The following USP53 variants were observed in gnomAD, a reference collection of about 807,000 sequenced individuals.
The protein encoded by USP53 is ubiquitin specific peptidase 53.
A neutral mutation model predicts 94.9 loss-of-function variants in USP53; 71 were observed. The observed-to-expected ratio is 0.75, with a 90% confidence interval of 0.62 to 0.91. The LOEUF (loss-of-function observed/expected upper bound fraction) is 0.91. USP53 is among the 40% of genes least tolerant of loss of function. The pLI is 0.00. For synonymous variants in USP53, 375 were observed against 422.7 expected, an observed-to-expected ratio of 0.89 and a Z score of 1.39; for missense variants, 1,173 against 1,281.0, an observed-to-expected ratio of 0.92 and a Z score of 1.29.
chr4:119,243,503 T>A (rs1747823870), intron 5 of USP53, among the ~76,000 whole-genome samples: 1 of 151,866 alleles, frequency 6.6e-6, no homozygotes, highest in Non-Finnish European at 1.5e-5. Flanking sequence ...ATCTAAAAAA[T>A]AAATAAATAA....
chr4:119,260,791 C>T, intron 11 of USP53, 138 bp downstream of exon 11: 1 of 874,306 alleles, frequency 1.1e-6, no homozygotes, highest in Non-Finnish European at 1.7e-6. Flanking sequence ...CTAGGAATGG[C>T]TTTCAATTAC....
intron 2 of USP53, among the ~76,000 whole-genome samples, chr4:119,216,313 G>A (rs535188610): frequency 1.1e-3 from 163 of 152,008 alleles, no homozygotes; most frequent in African/African-American, 3.4e-3. Context: ...CCCAAGAGGC[G>A]GAGGTTGCAG....
At chr4:119,282,243 C>T (rs1252065826) in intron 17 of USP53, among the ~76,000 whole-genome samples, 2 of 152,038 alleles carry the variant, frequency 1.3e-5, no homozygotes, top group East Asian at 3.9e-4. Context: ...TTGTTATTAT[C>T]CTTTGGCTAT....
intron 2 of USP53, among the ~76,000 whole-genome samples, chr4:119,216,085 A>G (rs1195980076): frequency 1.3e-5 from 2 of 152,210 alleles, no homozygotes; most frequent in Non-Finnish European, 2.9e-5. Flanking sequence ...TCAAAAGTTA[A>G]TTAGACAATG....
At chr4:119,239,078 T>C (rs1360984757) in intron 4 of USP53, 140 bp from the exon 5 acceptor site, 1 of 152,310 alleles carries the variant, frequency 6.6e-6, no homozygotes, top group African/African-American at 2.4e-5. Flanking sequence ...TTTTTAAAAA[T>C]TTATATTAGA....
At position 119,233,367 on chromosome 4, in the gene USP53, A is replaced by T. The variant is rs1277252166; in HGVS notation, c.-664-1923A>T. Among the ~76,000 whole-genome samples, 4 of 151,756 alleles carry T rather than the reference A, an allele frequency of 2.6e-5. No homozygotes were observed. In the South Asian group the frequency reaches 8.3e-4, roughly 32 times the overall value. ...TCCTACATCATGTTTGGATTCTTTG[A>T]GTTACACATCCTGTTTTTATCTGAG... On this transcript the variant is annotated intron_variant, in intron 3 of 18. Transcript: ENST00000692078.
rs1485711668 is a variant in USP53 at position 119,269,777 on chromosome 4, C to A, written c.1375C>A (p.Leu459Ile). ...ALKAIEQKNL[L>I]SSQRKDLEKG... ...GAAAGCTATTGAACAGAAAAACTTA[C>A]TTTCTTCACAAAGGAAAGATTTAGA... Residue 459 changes from leucine (L) to isoleucine (I), a missense_variant, in exon 15 of 19, where the codon CTT becomes ATT. Coordinates refer to ENST00000692078, the MANE Select transcript of USP53 (RefSeq NM_001371395.1). 2 of 1,516,762 alleles carry A rather than the reference C, an allele frequency of 1.3e-6. No homozygotes were observed. The highest frequency in any genetic ancestry group is 1.4e-5 in the African/African-American group (1 of 70,922). The allele number at this position is 1,516,762 out of a possible 1,614,324, so 94.0% of individuals were successfully genotyped here. A position where few individuals can be genotyped will look rare whatever the true frequency, so the allele number is the denominator to read the frequency against.
intron 17 of USP53, among the ~76,000 whole-genome samples, chr4:119,281,391 G>A (rs1213107648): frequency 6.6e-6 from 1 of 152,170 alleles, no homozygotes; most frequent in East Asian, 1.9e-4. Flanking sequence ...TCTTTGTTAT[G>A]CTTAAGGCTT....
intron 12 of USP53, among the ~76,000 whole-genome samples, chr4:119,264,285 G>A (rs1750854918): frequency 6.6e-6 from 1 of 152,026 alleles, no homozygotes; most frequent in Non-Finnish European, 1.5e-5. Flanking sequence ...TATCAGGGGA[G>A]GATAGTAAAA....
chr4:119,236,817 A>T (rs746565392), intron 4 of USP53, among the ~76,000 whole-genome samples: 8 of 152,070 alleles, frequency 5.3e-5, no homozygotes, highest in Admixed American at 2.6e-4. Flanking sequence ...GGAATCATTA[A>T]CCAAATATCC....
rs373277455 is a variant in USP53 at position 119,271,884 on chromosome 4, A to C, written c.2024A>C (p.His675Pro). The change falls in exon 16 of 19, where the codon CAT becomes CCT. Residue 675 changes from histidine (H) to proline (P), a missense_variant. Coordinates refer to ENST00000692078, the MANE Select transcript of USP53 (RefSeq NM_001371395.1). ...KNKGLVEGKV[H>P]GDNWQMQRTE... ...AAAGGCCTTGTAGAGGGTAAAGTGC[A>C]TGGTGATAATTGGCAGATGCAAAGG... is the stretch of plus-strand genomic sequence containing the variant. 1 of 1,614,082 alleles carries C rather than the reference A, an allele frequency of 6.2e-7. No homozygotes were observed. Among genetic ancestry groups the C allele is most frequent in the Admixed American group, 1.7e-5 (1 of 60,002 alleles).
intron 3 of USP53, among the ~76,000 whole-genome samples, chr4:119,222,564 C>T (rs760140396): frequency 7.2e-5 from 11 of 152,028 alleles, no homozygotes; most frequent in African/African-American, 2.7e-4. Flanking sequence ...TTTGTCTTTC[C>T]GTGCCTGTCT....
chr4:119,279,139 G>A lies in USP53; in HGVS notation c.2251+5431G>A, dbSNP rs995337749. Among the ~76,000 whole-genome samples, 3 of 148,616 alleles carry A rather than the reference G, an allele frequency of 2.0e-5. No individual in the cohort carries two copies. In the Admixed American group the frequency reaches 2.0e-4, roughly 10 times the overall value. ...CTCCATCCAGCTTTGTTCTGTTGCT[G>A]GTGAGGAACTGCGTTCCTTTGAAGG... On this transcript the variant is annotated intron_variant, in intron 17 of 18. Coordinates refer to ENST00000692078, the MANE Select transcript of USP53 (RefSeq NM_001371395.1).
In USP53 at chr4:119,213,901, G is replaced by T. The variant is rs559480218; in HGVS notation, c.-941-169G>T. ...ACAAACAAACAAACAAAAAAACGCA[G>T]TACACTTAGGAAGGTTTTTGTGATT... On this transcript the variant is annotated intron_variant, in intron 1 of 18. Transcript: ENST00000692078. Among the ~76,000 whole-genome samples, 357 of 79,760 alleles carry T rather than the reference G, an allele frequency of 4.5e-3. 1 individual carries two copies. Among genetic ancestry groups the T allele is most frequent in the African/African-American group, 0.021 (345 of 16,696 alleles). 52.3% of individuals were successfully genotyped at this position (79,760 alleles called of 152,430 possible).
chr4:119,255,416 C>T (rs935935465), intron 7 of USP53, among the ~76,000 whole-genome samples: 4 of 151,918 alleles, frequency 2.6e-5, no homozygotes, highest in East Asian at 3.9e-4. Context: ...TTTGTTTACA[C>T]CGTGAGCAGA....
chr4:119,248,564 G>A (rs1464978693), intron 6 of USP53, among the ~76,000 whole-genome samples, 184 bp from the exon 7 acceptor site: 1 of 152,022 alleles, frequency 6.6e-6, no homozygotes, highest in African/African-American at 2.4e-5. Context: ...TTGATTTAGA[G>A]GCTGGTGCAA....
chr4:119,271,719 G>C lies in USP53; in HGVS notation c.1859G>C (p.Ser620Thr). ...AATATCAGTAATAAGCCTAAATCTA[G>C]CAAGGATCCGAGTTTTAGTAATTGG... ...KPNISNKPKS[S>T]KDPSFSNWPK... The change falls in exon 16 of 19, where the codon AGC (serine) becomes ACC (threonine). Residue 620 changes from serine to threonine, a missense_variant. Ser to Thr is a moderately conservative substitution (Grantham distance 58, BLOSUM62 1). Transcript: ENST00000692078. 1 of 1,614,074 alleles carries C rather than the reference G, an allele frequency of 6.2e-7. No individual in the cohort carries two copies.
At chr4:119,290,130 G>A (rs1407344719) in intron 17 of USP53, among the ~76,000 whole-genome samples, 1 of 152,080 alleles carries the variant, frequency 6.6e-6, no homozygotes, top group Non-Finnish European at 1.5e-5. Context: ...TGTTCAGAGG[G>A]AAATAGACCT....
chr4:119,263,046 G>A (rs1750695727), intron 12 of USP53, among the ~76,000 whole-genome samples: 1 of 152,148 alleles, frequency 6.6e-6, no homozygotes, highest in African/African-American at 2.4e-5. Flanking sequence ...ATAAGCAAAT[G>A]ATGTAGAATT....
Sources: gnomAD v4.1 joint callset for allele counts (sites outside exome capture counted in the v4.1 genomes callset) on GRCh38, gnomAD v4.1.1 for gene constraint, MANE v1.5 for transcripts, NCBI Gene and HGNC (gene_info 2026-07-23, HGNC 2026-07-21) for gene names.